Variants in FGF13 observed in about 807,000 individuals in gnomAD.
The protein encoded by FGF13 is fibroblast growth factor 13.
Under a neutral mutation model 19.5 loss-of-function variants are expected in FGF13, and 2 were observed. The observed-to-expected ratio is 0.10, with a 90% CI of 0.04 to 0.32. The LOEUF is 0.32. FGF13 is among the 10% of genes least tolerant of loss of function. FGF13 has a pLI of 1.00. For missense variants in FGF13, 113 were observed against 192.7 expected (o/e 0.59, Z 2.45); for synonymous variants, 72 against 76.9 (o/e 0.94, Z 0.33).
intron 1 of FGF13, among the ~76,000 whole-genome samples, chrX:139,103,195 G>C (rs1488600236): frequency 5.3e-5 from 6 of 112,265 alleles, no homozygotes; most frequent in African/African-American, 1.9e-4. Context: ...TGTACTTTCA[G>C]AAAATTAATC....
intron 3 of FGF13, among the ~76,000 whole-genome samples, chrX:138,757,221 A>G (rs936424223): frequency 9.1e-5 from 10 of 110,283 alleles, no homozygotes; most frequent in African/African-American, 3.3e-4. Context: ...ATTGATCACT[A>G]CTGCCTCAGG....
At chrX:138,677,619 C>T (rs1399653730) in intron 3 of FGF13, among the ~76,000 whole-genome samples, 1 of 111,142 alleles carries the variant, frequency 9.0e-6, no homozygotes, top group South Asian at 3.8e-4. Flanking sequence ...CAAATCAAAA[C>T]CACAATGAGA....
chrX:138,779,710 G>C (rs1230873744), intron 3 of FGF13, among the ~76,000 whole-genome samples: 3 of 109,763 alleles, frequency 2.7e-5, no homozygotes, highest in Non-Finnish European at 3.8e-5. Flanking sequence ...AAAGTGATGG[G>C]GAGAATGGAA....
chrX:138,741,142 G>T (rs1406067543), upstream of FGF13, among the ~76,000 whole-genome samples: 1 of 112,471 alleles, frequency 8.9e-6, no homozygotes, highest in Non-Finnish European at 1.9e-5. Context: ...AAATAGAAAA[G>T]CTTAATATGG....
Position 139,073,942 on chromosome X carries a change from TC to T in FGF13, c.-113+129473del, listed in dbSNP as rs1177388408. 3.5e-5 allele frequency among the ~76,000 whole-genome samples: 4 copies of T among 112,787 alleles called. No individual in the cohort carries two copies. The Admixed American group carries it at 3.8e-4, about 11-fold the overall frequency. On this transcript the variant is annotated intron_variant, in intron 1 of 2. Coordinates refer to the FGF13 transcript ENST00000421460. ...GATGTTATAGCCCTGAAAGGCACTT[TC>T]TTTTTAATTCTGTTTGGAAGTGTTT...
chrX:138,981,204 CA>C (rs1238641060), intron 1 of FGF13, among the ~76,000 whole-genome samples: 1 of 109,295 alleles, frequency 9.1e-6, no homozygotes, highest in Admixed American at 9.8e-5. Context: ...GAAGACTGAG[CA>C]AAAAATAGAG....
chrX:138,830,158 C>T (rs1459643856), intron 3 of FGF13, among the ~76,000 whole-genome samples: 2 of 112,119 alleles, frequency 1.8e-5, no homozygotes, highest in African/African-American at 6.5e-5. Flanking sequence ...AGCTTTGGAA[C>T]TGGGTAATGG....
At chrX:139,095,187 T>A (rs1364736452) in intron 1 of FGF13, among the ~76,000 whole-genome samples, 2 of 111,829 alleles carry the variant, frequency 1.8e-5, no homozygotes, top group Non-Finnish European at 3.8e-5. Flanking sequence ...CAGATGGGGT[T>A]GGAACTACCT....
chrX:138,705,668 TA>T (rs2089986287), intron 2 of FGF13, among the ~76,000 whole-genome samples: 1 of 112,032 alleles, frequency 8.9e-6, no homozygotes, highest in Non-Finnish European at 1.9e-5. Flanking sequence ...CGGGTTTGTT[TA>T]AAATATGTCT....
chrX:138,938,336 G>C (rs2124269583), intron 1 of FGF13, among the ~76,000 whole-genome samples: 1 of 111,776 alleles, frequency 8.9e-6, no homozygotes, highest in African/African-American at 3.3e-5. Context: ...GGGAAAAGTA[G>C]AGGCTGTCAG....
chrX:139,097,683 A>G (rs1228077534), intron 1 of FGF13, among the ~76,000 whole-genome samples: 2 of 112,353 alleles, frequency 1.8e-5, no homozygotes, highest in Non-Finnish European at 3.8e-5. Flanking sequence ...TATTCCATTT[A>G]AAAGTCTAGA....
At chrX:139,122,201 G>A (rs943173765) in intron 1 of FGF13, among the ~76,000 whole-genome samples, 5 of 111,943 alleles carry the variant, frequency 4.5e-5, no homozygotes, top group African/African-American at 1.6e-4. Context: ...AGATGCCAAA[G>A]CATCAGAATA....
chrX:138,864,452 G>A (rs1322897591), intron 2 of FGF13: 1 of 112,771 alleles, frequency 8.9e-6, no homozygotes, highest in Non-Finnish European at 1.9e-5. Context: ...GGCATCACTT[G>A]GCATTCTGTG....
At position 139,153,466 on chromosome X, in the gene FGF13, G is replaced by A. The variant is rs980964053; in HGVS notation, c.-113+49950C>T. Among the ~76,000 whole-genome samples the A allele has an allele frequency of 6.3e-5, 7 of 110,769 alleles. No homozygotes were observed. In the East Asian group the frequency reaches 2.0e-3, roughly 32 times the overall value. On this transcript the variant is annotated intron_variant, in intron 1 of 2. Transcript: ENST00000421460. ...ATAGCCCCCTCTCCCCTAGACCTCA[G>A]TTGGTGAAAGAAATGGGCTACAATT...
intron 1 of FGF13, among the ~76,000 whole-genome samples, chrX:139,065,481 C>CAAAAAAAAAAAAAAA (rs767805587): frequency 3.2e-5 from 1 of 30,776 alleles, no homozygotes; most frequent in African/African-American, 1.4e-4. Context: ...AAACGGAAAG[C>CAAAAAAAAAAAAAAA]AAAAAAAAAA....
chrX:139,152,971 C>G (rs1401123437), intron 1 of FGF13, among the ~76,000 whole-genome samples: 3 of 111,065 alleles, frequency 2.7e-5, no homozygotes, highest in Non-Finnish European at 5.7e-5. Context: ...ATGTCCTTCT[C>G]TTACTGCACT....
intron 1 of FGF13, among the ~76,000 whole-genome samples, chrX:138,945,684 C>T (rs905747320): frequency 2.7e-5 from 3 of 110,299 alleles, no homozygotes; most frequent in Non-Finnish European, 3.8e-5. Context: ...CATGGAAAAA[C>T]GATTCAGTGG....
chrX:139,151,448 T>A (rs971439832), intron 1 of FGF13, among the ~76,000 whole-genome samples: 2 of 112,128 alleles, frequency 1.8e-5, no homozygotes, highest in Non-Finnish European at 3.8e-5. Flanking sequence ...ATTCAGCCCA[T>A]TATTAATTAT....
chrX:139,115,720 T>A (rs1026943939), intron 1 of FGF13, among the ~76,000 whole-genome samples: 1 of 112,676 alleles, frequency 8.9e-6, no homozygotes, highest in Non-Finnish European at 1.9e-5. Context: ...GGTCAAATAT[T>A]TATTTTCTTC....
Sources: allele counts gnomAD v4.1 joint callset (sites outside exome capture counted in the v4.1 genomes callset), GRCh38; gene constraint gnomAD v4.1.1; transcripts MANE v1.5; gene names NCBI Gene and HGNC (gene_info 2026-07-23, HGNC 2026-07-21).